Variants in PCDH15 observed in about 807,000 individuals in gnomAD.
PCDH15 encodes the protein protocadherin-15.
Under a neutral mutation model 178.5 loss-of-function variants are expected in PCDH15, and 129 were observed. The ratio of observed to expected loss-of-function variants is 0.72; its 90% CI spans 0.63 to 0.84. The LOEUF (loss-of-function observed/expected upper bound fraction) is 0.84, where lower values mean the gene tolerates loss of function less well. PCDH15 is among the 40% of genes least tolerant of loss of function. PCDH15 has a pLI of 0.00. For missense variants in PCDH15, 2,230 were observed against 2,099.9 expected, an observed-to-expected ratio of 1.06 and a Z score of -1.21; for synonymous variants, 800 against 732.0, an observed-to-expected ratio of 1.09 and a Z score of -1.50.
Position 55,449,102 on chromosome 10 carries a change from G to A in PCDH15, c.-156+178523C>T, listed in dbSNP as rs527866154. Among the ~76,000 whole-genome samples, 82 of 151,992 alleles carry A rather than the reference G, an allele frequency of 5.4e-4. No homozygotes were observed. In the South Asian group the frequency reaches 7.1e-3, roughly 13 times the overall value. ...ATTGAGGTAATTATTCTCATTAAAGGTTGCCTTTAAATTGAGTAAAAATAA... is the reference window on the plus strand; with the variant it reads ...ATTGAGGTAATTATTCTCATTAAAGATTGCCTTTAAATTGAGTAAAAATAA... On this transcript the variant is annotated intron_variant, in intron 2 of 5. Coordinates refer to the PCDH15 transcript ENST00000613346.
chr10:54,049,423 A>G (rs1415498014), intron 18 of PCDH15, among the ~76,000 whole-genome samples: 2 of 152,132 alleles, frequency 1.3e-5, no homozygotes, highest in African/African-American at 4.8e-5. Context: ...GAGGGGTTAG[A>G]GTAGGCATCC....
intron 2 of PCDH15, among the ~76,000 whole-genome samples, chr10:55,082,382 A>G (rs1020002573): frequency 2.0e-5 from 3 of 152,128 alleles, no homozygotes; most frequent in East Asian, 3.9e-4. Flanking sequence ...AAAACACAAC[A>G]TATCAAAACC....
intron 2 of PCDH15, among the ~76,000 whole-genome samples, chr10:54,623,156 ACTT>A (rs1423019837): frequency 2.0e-5 from 3 of 151,968 alleles, no homozygotes; most frequent in Non-Finnish European, 4.4e-5. Context: ...CATTGCGCTG[ACTT>A]CTTGCCCTGA....
intron 2 of PCDH15, among the ~76,000 whole-genome samples, chr10:55,427,773 T>C (rs958924881): frequency 1.3e-5 from 2 of 151,760 alleles, no homozygotes; most frequent in Non-Finnish European, 2.9e-5. Flanking sequence ...GTACTGGCTG[T>C]CTATTCTAAA....
chr10:54,950,347 G>A (rs182818807), intron 2 of PCDH15, among the ~76,000 whole-genome samples: 2 of 152,088 alleles, frequency 1.3e-5, no homozygotes, highest in Non-Finnish European at 2.9e-5. Flanking sequence ...CATGTGTTGT[G>A]GGAGGAACCC....
At chr10:54,441,726 G>T (rs530512846) in intron 3 of PCDH15, among the ~76,000 whole-genome samples, 19 of 151,920 alleles carry the variant, frequency 1.3e-4, no homozygotes, top group African/African-American at 4.3e-4. Flanking sequence ...TCTTCTTAAC[G>T]TGTATTTATT....
At chr10:54,988,003 A>G (rs117812220) in intron 2 of PCDH15, among the ~76,000 whole-genome samples, 5,494 of 152,190 alleles carry the variant, frequency 0.036, 180 homozygotes, top group South Asian at 0.11. Flanking sequence ...GGGGTTTTAC[A>G]TTACAATTTT....
intron 5 of PCDH15, among the ~76,000 whole-genome samples, chr10:54,366,461 G>A (rs1946805978): frequency 6.6e-6 from 1 of 151,916 alleles, no homozygotes; most frequent in South Asian, 2.1e-4. Flanking sequence ...CATTGTAGAT[G>A]GGCAAGATAG....
intron 3 of PCDH15, among the ~76,000 whole-genome samples, chr10:54,424,861 C>G (rs113864923): frequency 0.017 from 881 of 53,076 alleles, 15 homozygotes; most frequent in African/African-American, 0.065. Context: ...GCCCGTCAAG[C>G]GGTGGGGGGA....
chr10:54,277,563 C>T (rs557857988), intron 8 of PCDH15, among the ~76,000 whole-genome samples: 2 of 151,652 alleles, frequency 1.3e-5, no homozygotes, highest in South Asian at 4.1e-4. Context: ...TGATATTATA[C>T]TAAATGATTA....
At chr10:53,855,899 G>GATGTGTATATATATAT (rs1554832729) in intron 28 of PCDH15, among the ~76,000 whole-genome samples, 6 of 77,848 alleles carry the variant, frequency 7.7e-5, no homozygotes, top group African/African-American at 4.4e-4. Context: ...AAAAAAAGGT[G>GATGTGTATATATATAT]ATATGTATAT....
In PCDH15 at chr10:55,542,196, T is replaced by C. The variant is rs139596506; in HGVS notation, c.-156+85429A>G. ...TGTACAGTATGTCTATATATGTGCA[T>C]ATGTAGAGTATTTGTCTATATATGT... On this transcript the variant is annotated intron_variant, in intron 2 of 5. Transcript: ENST00000613346. Among the ~76,000 whole-genome samples the C allele has an allele frequency of 5.1e-3, 780 of 151,562 alleles. 7 individuals carry two copies. Among genetic ancestry groups the C allele is most frequent in the African/African-American group, 0.018 (754 of 41,490 alleles).
intron 21 of PCDH15, chr10:53,995,155 G>T (rs189732727): frequency 6.5e-4 from 102 of 157,582 alleles, no homozygotes; most frequent in Admixed American, 9.2e-4. Flanking sequence ...GATAATTTGG[G>T]ATATCTCAAA....
intron 10 of PCDH15, among the ~76,000 whole-genome samples, chr10:54,205,847 T>C (rs892421296): frequency 6.6e-6 from 1 of 152,014 alleles, no homozygotes; most frequent in African/African-American, 2.4e-5. Flanking sequence ...CAAAAACCTA[T>C]AAAATTCATG....
intron 1 of PCDH15, among the ~76,000 whole-genome samples, chr10:55,238,355 T>G (rs554142741): frequency 2.6e-4 from 40 of 151,934 alleles, no homozygotes; most frequent in Non-Finnish European, 4.9e-4. Flanking sequence ...TTTCACCATG[T>G]TAGCCAGGAT....
intron 3 of PCDH15, among the ~76,000 whole-genome samples, chr10:54,836,638 A>G (rs1379318501): frequency 6.6e-6 from 1 of 152,126 alleles, no homozygotes; most frequent in East Asian, 1.9e-4. Flanking sequence ...AGCTGAGAAA[A>G]AAGATATAAT....
At chr10:55,573,950 A>C (rs1842452644) in intron 2 of PCDH15, among the ~76,000 whole-genome samples, 1 of 151,940 alleles carries the variant, frequency 6.6e-6, no homozygotes, top group Non-Finnish European at 1.5e-5. Flanking sequence ...TAAATGAAAA[A>C]CATGCTAGGT....
At chr10:55,611,407 A>G (rs1157270644) in intron 2 of PCDH15, among the ~76,000 whole-genome samples, 1 of 152,080 alleles carries the variant, frequency 6.6e-6, no homozygotes, top group Non-Finnish European at 1.5e-5. Context: ...GAGATATTAA[A>G]AGGTGTTCAA....
intron 2 of PCDH15, among the ~76,000 whole-genome samples, chr10:54,999,305 A>G (rs993141591): frequency 1.4e-5 from 1 of 71,436 alleles, no homozygotes; most frequent in Non-Finnish European, 3.1e-5. Context: ...AAATAAAGAA[A>G]ATTTTTTTTT....
Sources: allele counts gnomAD v4.1 joint callset (sites outside exome capture counted in the v4.1 genomes callset), GRCh38; gene constraint gnomAD v4.1.1; transcripts MANE v1.5; gene names NCBI Gene and HGNC (gene_info 2026-07-23, HGNC 2026-07-21).